The following EPN1 variants were observed in gnomAD, a reference collection of about 807,000 sequenced individuals.
The protein encoded by EPN1 is epsin-1.
EPN1 carries 25 observed loss-of-function variants against 56.9 expected under a neutral mutation model. The observed-to-expected ratio is 0.44, with a 90% CI of 0.32 to 0.61. The LOEUF (loss-of-function observed/expected upper bound fraction) is 0.61. Among genes scored for constraint, EPN1 ranks in the 20% least tolerant of loss-of-function variants. The probability of loss-of-function intolerance (pLI) is 0.05; values close to 1 mark genes in which losing one functional copy is unlikely to be tolerated. For missense variants in EPN1, 785 were observed against 823.7 expected, an observed-to-expected ratio of 0.95 and a Z score of 0.58; for synonymous variants, 411 against 361.8, an observed-to-expected ratio of 1.14 and a Z score of -1.54.
At chr19:55,693,412 G>A (rs778463245) in intron 9 of EPN1, 26 of 166,300 alleles carry the variant, frequency 1.6e-4, no homozygotes, top group Non-Finnish European at 2.7e-4. Flanking sequence ...GAAGGCAGCC[G>A]AGGCTCCCCT....
rs765676193 is a variant in EPN1, at chr19:55,691,970, G to A, written c.979G>A (p.Ala327Thr). ...GGACCCCTGGAGGCCTGCTGCCCCT[G>A]CAGGACCCTCAGTTGACCCTTGGGG... ...SGDPWRPAAP[A>T]GPSVDPWGGT... The change falls in exon 7 of 11, where the codon GCA becomes ACA. Residue 327 changes from alanine (A) to threonine (T), a missense_variant. This residue lies in a region of EPN1 where 650 missense variants were observed against 605.0 expected (regional missense o/e 1.07). Transcript: ENST00000270460. The surrounding 1 kb of genome is among the most constrained non-coding windows in gnomAD (Gnocchi z 5.6). 2 of 1,510,970 alleles carry A rather than the reference G, an allele frequency of 1.3e-6. No homozygotes were observed. Among genetic ancestry groups the A allele is most frequent in the East Asian group, 2.3e-5 (1 of 42,938 alleles). 93.6% of individuals were successfully genotyped at this position (1,510,970 alleles called of 1,614,324 possible). A position where few individuals can be genotyped will look rare whatever the true frequency, so the allele number is the denominator to read the frequency against.
In EPN1 at chr19:55,707,176, C is replaced by G. The variant is rs1162282245; in HGVS notation, c.*11820C>G. On this transcript the variant is annotated 3_prime_UTR_variant, in exon 11 of 11. Transcript: ENST00000270460. Reference sequence around the variant, plus strand: ...AGCCTGGGCGAGCAACAGAGTGAGGCTGTCTCTCAAAAAAAAAAAAAAAGG... The same window carrying G: ...AGCCTGGGCGAGCAACAGAGTGAGGGTGTCTCTCAAAAAAAAAAAAAAAGG... 6.8e-6 allele frequency: 1 copy of G among 147,656 alleles called. No individual in the cohort carries two copies. Among genetic ancestry groups the G allele is most frequent in the African/African-American group, 2.5e-5 (1 of 39,472 alleles). The allele number at this position is 147,656 out of a possible 1,614,324, so 9.1% of individuals were successfully genotyped here.
Position 55,688,861 on chromosome 19 carries a change from G to A in EPN1, c.479-9G>A, listed in dbSNP as rs367599495. On this transcript the variant is annotated splice_polypyrimidine_tract_variant and intron_variant, in intron 3 of 10. Transcript: ENST00000270460. ...TCTGGGTCTCACGCGTTTCTCACCC[G>A]CCCTCCAGCCTCATCAGCAGCTGTG... is the stretch of plus-strand genomic sequence containing the variant. 2.4e-5 allele frequency: 37 copies of A among 1,573,320 alleles called. No individual in the cohort carries two copies. Among genetic ancestry groups the A allele is most frequent in the African/African-American group, 1.3e-4 (10 of 74,188 alleles).
At chr19:55,676,232 A>G (rs1457337962) in intron 1 of EPN1, among the ~76,000 whole-genome samples, 1 of 152,140 alleles carries the variant, frequency 6.6e-6, no homozygotes, top group Non-Finnish European at 1.5e-5. Flanking sequence ...TCTGGTTTTT[A>G]TTATTACAGT....
rs1986365958 is a variant in EPN1 at position 55,689,138 on chromosome 19, CCT to C, written c.603+146_603+147del. 2 of 1,269,284 alleles carry C rather than the reference CCT, an allele frequency of 1.6e-6. No individual in the cohort carries two copies. Among genetic ancestry groups the C allele is most frequent in the South Asian group, 2.9e-5 (2 of 68,588 alleles). The allele number at this position is 1,269,284 out of a possible 1,614,324, so 78.6% of individuals were successfully genotyped here. On this transcript the variant is annotated intron_variant, in intron 4 of 10. Transcript: ENST00000270460. This position sits in a 1 kb window ranked among gnomAD's most constrained non-coding sequence, Gnocchi z 5.7. Reference sequence around the variant, plus strand: ...CGTCTCCTCCCCAGTCCTGCCTCATCCTCACCCCGCCGTCCCTCTGCGTGTCA... The same window carrying C: ...CGTCTCCTCCCCAGTCCTGCCTCATCCACCCCGCCGTCCCTCTGCGTGTCA...
Position 55,692,759 on chromosome 19 carries a change from A to G in EPN1, c.1140A>G (p.Gly380=). 1 of 1,588,436 alleles carries G rather than the reference A, an allele frequency of 6.3e-7. No individual in the cohort carries two copies. Among genetic ancestry groups the G allele is most frequent in the South Asian group, 1.1e-5 (1 of 87,854 alleles). The change falls in exon 8 of 11, where the codon GGA becomes GGG. Residue 380 remains glycine, a synonymous_variant. Coordinates refer to ENST00000270460, the MANE Select transcript of EPN1 (RefSeq NM_001130072.2). ...CCCCGGCCTTCTCAGATCCCTGGGGAGGGTCACCTGCCAAGCCCAGCACCA... is the reference window on the plus strand; with the variant it reads ...CCCCGGCCTTCTCAGATCCCTGGGGGGGGTCACCTGCCAAGCCCAGCACCA... ...TPAPAFSDPW[G]GSPAKPSTNG... is the part of the protein sequence containing the mutation.
At position 55,707,635 on chromosome 19, in the gene EPN1, T is replaced by C. The variant is rs142747170; in HGVS notation, c.*12279T>C. On this transcript the variant is annotated 3_prime_UTR_variant, in exon 11 of 11. Transcript: ENST00000270460. Reference sequence around the variant, plus strand: ...GGGGAAGTGGCCATAAAAACCATCTTTCCTTTGCAGACTGGGGTGGGGACT... The same window carrying C: ...GGGGAAGTGGCCATAAAAACCATCTCTCCTTTGCAGACTGGGGTGGGGACT... 1 of 154,766 alleles carries C rather than the reference T, an allele frequency of 6.5e-6. No homozygotes were observed. The highest frequency in any genetic ancestry group is 2.4e-5 in the African/African-American group (1 of 41,672). 9.6% of individuals were successfully genotyped at this position (154,766 alleles called of 1,614,324 possible). A position where few individuals can be genotyped will look rare whatever the true frequency, so the allele number is the denominator to read the frequency against.
Position 55,707,775 on chromosome 19 carries a change from C to T in EPN1, c.*12419C>T, listed in dbSNP as rs1473602954. 1 of 154,504 alleles carries T rather than the reference C, an allele frequency of 6.5e-6. No individual in the cohort carries two copies. The highest frequency in any genetic ancestry group is 6.5e-5 in the Admixed American group (1 of 15,298). The allele number at this position is 154,504 out of a possible 1,614,324, so 9.6% of individuals were successfully genotyped here. On this transcript the variant is annotated 3_prime_UTR_variant, in exon 11 of 11. Transcript: ENST00000270460. Reference sequence around the variant, plus strand: ...GGCCGTGGCAAACTCCTTGGTTCTTCTTTCCACTGGAATCCCCCACACAAT... The same window carrying T: ...GGCCGTGGCAAACTCCTTGGTTCTTTTTTCCACTGGAATCCCCCACACAAT...
chr19:55,690,503 G>A (rs549268468), intron 6 of EPN1, among the ~76,000 whole-genome samples: 1 of 152,352 alleles, frequency 6.6e-6, no homozygotes, highest in African/African-American at 2.4e-5. Context: ...GGGCCCGCTG[G>A]CTGGTTGTTT....
rs536984110 is a variant in EPN1, at chr19:55,709,238, G to A, written c.*13882G>A. The A allele has an allele frequency of 7.6e-6, 3 of 396,768 alleles. No individual in the cohort carries two copies. The Admixed American group carries it at 1.4e-4, about 18-fold the overall frequency. The allele number at this position is 396,768 out of a possible 1,614,324, so 24.6% of individuals were successfully genotyped here. A position where few individuals can be genotyped will look rare whatever the true frequency, so the allele number is the denominator to read the frequency against. The stretch of plus-strand genomic sequence containing the variant: ...AAGCCTCTGATTTATACCATAAAGT[G>A]AAATTTCATATACAGGATGTATCAA... On this transcript the variant is annotated 3_prime_UTR_variant, in exon 11 of 11. Transcript: ENST00000270460.
chr19:55,678,889 A>G (rs1468428475), intron 2 of EPN1, 34 bp downstream of exon 2: 1 of 1,503,142 alleles, frequency 6.7e-7, no homozygotes, highest in Non-Finnish European at 9.1e-7. Flanking sequence ...GGGCAGGTGC[A>G]GGGGCTCAGG....
At chr19:55,680,403 C>T (rs1985731958) in intron 2 of EPN1, among the ~76,000 whole-genome samples, 1 of 152,122 alleles carries the variant, frequency 6.6e-6, no homozygotes, top group Admixed American at 6.5e-5. Context: ...TCTTGGGACT[C>T]TCCTTTCTAT....
chr19:55,707,847 C>G lies in EPN1; in HGVS notation c.*12491C>G, dbSNP rs572306031. 2.1e-4 allele frequency: 33 copies of G among 154,550 alleles called. No individual in the cohort carries two copies. Among genetic ancestry groups the G allele is most frequent in the African/African-American group, 7.7e-4 (32 of 41,664 alleles). 9.6% of individuals were successfully genotyped at this position (154,550 alleles called of 1,614,324 possible). ...ACCCTTGTCCAGTCTTGAGTGTAAA[C>G]TCGTGTTTACAGGTCTTAAAGTCCT... On this transcript the variant is annotated 3_prime_UTR_variant, in exon 11 of 11. Transcript: ENST00000270460.
rs1465928489 is a variant in EPN1, at chr19:55,701,556, C to G, written c.*6200C>G. On this transcript the variant is annotated 3_prime_UTR_variant, in exon 11 of 11. Transcript: ENST00000270460. Reference sequence around the variant, plus strand: ...TGTGTCTCCTCTCCCCTTTCCCGGACTATTCTGACCCCAGCAGTTCTCAGA... The same window carrying G: ...TGTGTCTCCTCTCCCCTTTCCCGGAGTATTCTGACCCCAGCAGTTCTCAGA... 1.3e-5 allele frequency: 2 copies of G among 152,068 alleles called. No individual in the cohort carries two copies. The highest frequency in any genetic ancestry group is 2.9e-5 in the Non-Finnish European group (2 of 68,042). The allele number at this position is 152,068 out of a possible 1,614,324, so 9.4% of individuals were successfully genotyped here. A position where few individuals can be genotyped will look rare whatever the true frequency, so the allele number is the denominator to read the frequency against.
At position 55,699,678 on chromosome 19, in the gene EPN1, C is replaced by G. The variant is rs1284379254; in HGVS notation, c.*4322C>G. ...AAATATTTACTATCTGGCTCTTCAACAAAAAGTGTGCTGACCCCCGGTGAT... is the reference window on the plus strand; with the variant it reads ...AAATATTTACTATCTGGCTCTTCAAGAAAAAGTGTGCTGACCCCCGGTGAT... On this transcript the variant is annotated 3_prime_UTR_variant, in exon 11 of 11. Transcript: ENST00000270460. 6.6e-6 allele frequency: 1 copy of G among 152,186 alleles called. No homozygotes were observed. Among genetic ancestry groups the G allele is most frequent in the Non-Finnish European group, 1.5e-5 (1 of 68,034 alleles). The allele number at this position is 152,186 out of a possible 1,614,324, so 9.4% of individuals were successfully genotyped here. A position where few individuals can be genotyped will look rare whatever the true frequency, so the allele number is the denominator to read the frequency against.
chr19:55,687,762 A>G (rs60906470), intron 3 of EPN1, among the ~76,000 whole-genome samples: 7,450 of 152,226 alleles, frequency 0.049, 628 homozygotes, highest in African/African-American at 0.17. Context: ...TCATAACCCC[A>G]GATGGTCACC....
In EPN1 at chr19:55,708,900, G is replaced by A; in HGVS notation, c.*13544G>A. 2 of 1,529,288 alleles carry A rather than the reference G, an allele frequency of 1.3e-6. No individual in the cohort carries two copies. The highest frequency in any genetic ancestry group is 1.7e-6 in the Non-Finnish European group (2 of 1,146,264). The allele number at this position is 1,529,288 out of a possible 1,614,324, so 94.7% of individuals were successfully genotyped here. The stretch of plus-strand genomic sequence containing the variant: ...AAGCCTTTGTGAGACGACTACTTCA[G>A]GGTGTTCCCCATCAGAGGAGCACAC... On this transcript the variant is annotated 3_prime_UTR_variant, in exon 11 of 11. Coordinates refer to ENST00000270460, the MANE Select transcript of EPN1 (RefSeq NM_001130072.2).
rs1416386029 is a variant in EPN1 at position 55,707,363 on chromosome 19, A to G, written c.*12007A>G. 2 of 152,404 alleles carry G rather than the reference A, an allele frequency of 1.3e-5. No homozygotes were observed. The highest frequency in any genetic ancestry group is 4.8e-5 in the African/African-American group (2 of 41,562). 9.4% of individuals were successfully genotyped at this position (152,404 alleles called of 1,614,324 possible). A position where few individuals can be genotyped will look rare whatever the true frequency, so the allele number is the denominator to read the frequency against. On this transcript the variant is annotated 3_prime_UTR_variant, in exon 11 of 11. Coordinates refer to ENST00000270460, the MANE Select transcript of EPN1 (RefSeq NM_001130072.2). Reference sequence around the variant, plus strand: ...CTCTAAAACAAAAGAAAGAACAAATAACAAATGAAAATAAATACCCAAAAA... The same window carrying G: ...CTCTAAAACAAAAGAAAGAACAAATGACAAATGAAAATAAATACCCAAAAA...
rs1438034478 is a variant in EPN1, at chr19:55,709,323, C to T, written c.*13967C>T. 1 of 203,620 alleles carries T rather than the reference C, an allele frequency of 4.9e-6. No homozygotes were observed. Among genetic ancestry groups the T allele is most frequent in the African/African-American group, 2.3e-5 (1 of 43,032 alleles). 12.6% of individuals were successfully genotyped at this position (203,620 alleles called of 1,614,324 possible). ...AAAAAGAAAAACACAGGATAACTTC[C>T]ATTCATCTGATGTTCATATGCCCTG... On this transcript the variant is annotated 3_prime_UTR_variant, in exon 11 of 11. Coordinates refer to ENST00000270460, the MANE Select transcript of EPN1 (RefSeq NM_001130072.2).
Sources: gnomAD v4.1 joint callset for allele counts (sites outside exome capture counted in the v4.1 genomes callset) on GRCh38, gnomAD v4.1.1 for gene constraint, gnomAD v4.1.1 regional missense constraint, Gnocchi (gnomAD v3.1) non-coding constraint, MANE v1.5 for transcripts, NCBI Gene and HGNC (gene_info 2026-07-23, HGNC 2026-07-21) for gene names.